Variants in WNT7B observed in about 807,000 individuals in gnomAD.
The protein encoded by WNT7B is protein Wnt-7b.
In WNT7B, 19 loss-of-function variants were observed where a neutral mutation model predicts 38.2. That is an observed-to-expected ratio of 0.50 (90% CI 0.35 to 0.73). The LOEUF (loss-of-function observed/expected upper bound fraction) is 0.73, where lower values mean the gene tolerates loss of function less well. WNT7B is among the 30% of genes least tolerant of loss of function. The pLI is 0.01. For missense variants in WNT7B, 423 were observed against 507.9 expected (o/e 0.83, Z 1.61); for synonymous variants, 243 against 209.3 (o/e 1.16, Z -1.39).
chr22:45,930,765 A>C lies in WNT7B; in HGVS notation c.570+333T>G, dbSNP rs1029527459. On this transcript the variant is annotated intron_variant, in intron 3 of 3. Coordinates refer to ENST00000339464, the MANE Select transcript of WNT7B (RefSeq NM_058238.3). The stretch of plus-strand genomic sequence containing the variant: ...GGGACCAGGAACGCCAAGGGCAGGG[A>C]CATGGGCTGTGGCCTGGGACCCTCC... Among the ~76,000 whole-genome samples, 57 of 152,318 alleles carry C rather than the reference A, an allele frequency of 3.7e-4. 1 individual carries two copies. Among genetic ancestry groups the C allele is most frequent in the African/African-American group, 1.4e-3 (57 of 41,558 alleles).
intron 1 of WNT7B, among the ~76,000 whole-genome samples, chr22:45,961,085 C>G (rs1932185674): frequency 6.6e-6 from 1 of 152,256 alleles, no homozygotes; most frequent in African/African-American, 2.4e-5. Context: ...GCCTGACCCC[C>G]ACAGCAGCTC....
chr22:45,942,434 T>C (rs1315269359), intron 2 of WNT7B, among the ~76,000 whole-genome samples: 1 of 152,160 alleles, frequency 6.6e-6, no homozygotes, highest in African/African-American at 2.4e-5. Flanking sequence ...CACACAGAGC[T>C]CAGGCTGGGG....
chr22:45,965,631 C>T lies in WNT7B; in HGVS notation c.71+11053G>A, dbSNP rs1214978120. ...GCATCCAGGACCACACACATGCTGA[C>T]CCAACAAAGCTGGCCAGGCTGGTCT... On this transcript the variant is annotated intron_variant, in intron 1 of 3. Transcript: ENST00000339464. This position sits in a 1 kb window ranked among gnomAD's most constrained non-coding sequence, Gnocchi z 6.5. Among the ~76,000 whole-genome samples the T allele has an allele frequency of 6.6e-6, 1 of 152,188 alleles. No homozygotes were observed. The highest frequency in any genetic ancestry group is 1.5e-5 in the Non-Finnish European group (1 of 68,032).
intron 2 of WNT7B, among the ~76,000 whole-genome samples, chr22:45,943,766 T>C (rs961296511): frequency 1.3e-5 from 2 of 152,174 alleles, no homozygotes; most frequent in Non-Finnish European, 2.9e-5. Context: ...GAGGCGGTCA[T>C]GTGACAGGGC....
At chr22:45,936,762 C>G (rs970255898) in intron 2 of WNT7B, among the ~76,000 whole-genome samples, 1 of 152,194 alleles carries the variant, frequency 6.6e-6, no homozygotes, top group African/African-American at 2.4e-5. Context: ...CTCACTCTGA[C>G]CATGAGGAGG....
intron 3 of WNT7B, chr22:45,925,520 GA>G: frequency 4.1e-6 from 4 of 985,246 alleles, no homozygotes; most frequent in Non-Finnish European, 4.8e-6. Flanking sequence ...CCAGAGCCTG[GA>G]CTGCGTGTCT....
intron 1 of WNT7B, among the ~76,000 whole-genome samples, chr22:45,952,968 C>T (rs1931969119): frequency 6.6e-6 from 1 of 152,238 alleles, no homozygotes; most frequent in African/African-American, 2.4e-5. Flanking sequence ...GCTGCTGCCC[C>T]TTCTCCGTTT....
In WNT7B at chr22:45,975,724, G is replaced by T; in HGVS notation, c.71+960C>A. On this transcript the variant is annotated intron_variant, in intron 1 of 3. Coordinates refer to ENST00000339464, the MANE Select transcript of WNT7B (RefSeq NM_058238.3). This position sits in a 1 kb window ranked among gnomAD's most constrained non-coding sequence, Gnocchi z 6.6. ...GGACGGGGCTCGCCTCGGGGCAGCC[G>T]GCGGCGCACAGTAGGCGCGCAGGGC... is the stretch of plus-strand genomic sequence containing the variant. 1 of 462,356 alleles carries T rather than the reference G, an allele frequency of 2.2e-6. No individual in the cohort carries two copies. 28.6% of individuals were successfully genotyped at this position (462,356 alleles called of 1,614,324 possible). A position where few individuals can be genotyped will look rare whatever the true frequency, so the allele number is the denominator to read the frequency against.
At chr22:45,928,634 T>TCTGC (rs1555907091) in intron 3 of WNT7B, among the ~76,000 whole-genome samples, 4 of 151,810 alleles carry the variant, frequency 2.6e-5, no homozygotes, top group African/African-American at 9.7e-5. Flanking sequence ...CCACCTCCTG[T>TCTGC]CTCCATTTCC....
At chr22:45,929,072 G>A (rs1000367451) in intron 3 of WNT7B, among the ~76,000 whole-genome samples, 8 of 152,120 alleles carry the variant, frequency 5.3e-5, no homozygotes, top group South Asian at 2.1e-4. Context: ...TTTCTTCCCC[G>A]GGGGTGTGGG....
chr22:45,944,242 G>A (rs1204753655), intron 2 of WNT7B, among the ~76,000 whole-genome samples: 1 of 152,230 alleles, frequency 6.6e-6, no homozygotes, highest in Non-Finnish European at 1.5e-5. Context: ...CAACTTGCAT[G>A]AGTTCCAGGT....
At chr22:45,964,498 C>T (rs1003367631) in intron 1 of WNT7B, among the ~76,000 whole-genome samples, 1 of 152,146 alleles carries the variant, frequency 6.6e-6, no homozygotes, top group African/African-American at 2.4e-5. Flanking sequence ...GATGAATCTG[C>T]CTTCCTAGTG....
intron 1 of WNT7B, among the ~76,000 whole-genome samples, chr22:45,950,855 C>T (rs1569119799): frequency 6.6e-6 from 1 of 152,198 alleles, no homozygotes; most frequent in Non-Finnish European, 1.5e-5. Flanking sequence ...ACTGGGTGCA[C>T]GCAGAGGAAG....
At chr22:45,943,416 G>C (rs1298877701) in intron 2 of WNT7B, among the ~76,000 whole-genome samples, 1 of 152,256 alleles carries the variant, frequency 6.6e-6, no homozygotes, top group Admixed American at 6.5e-5. Flanking sequence ...CCCCCAGGTG[G>C]GGACAGCAGG....
At position 45,975,009 on chromosome 22, in the gene WNT7B, T is replaced by C. The variant is rs1434540460; in HGVS notation, c.71+1675A>G. Among the ~76,000 whole-genome samples the C allele has an allele frequency of 6.6e-6, 1 of 152,146 alleles. No homozygotes were observed. Among genetic ancestry groups the C allele is most frequent in the African/African-American group, 2.4e-5 (1 of 41,436 alleles). Reference sequence around the variant, plus strand: ...ACTCACTCGTGGGAGGAAGGGCTGCTTTCCGATGACTGAGGCAGAAGAATG... The same window carrying C: ...ACTCACTCGTGGGAGGAAGGGCTGCCTTCCGATGACTGAGGCAGAAGAATG... On this transcript the variant is annotated intron_variant, in intron 1 of 3. Transcript: ENST00000339464. This position sits in a 1 kb window ranked among gnomAD's most constrained non-coding sequence, Gnocchi z 6.6.
chr22:45,935,888 G>A, intron 2 of WNT7B: 2 of 985,362 alleles, frequency 2.0e-6, no homozygotes, highest in Non-Finnish European at 2.4e-6. Context: ...AGCTGGATGA[G>A]GGCAGCACGG....
Position 45,976,979 on chromosome 22 carries a change from G to A in WNT7B, c.-225C>T, listed in dbSNP as rs1932566217. ...TGAGCCCGGGGAATTGACCCAGGCTGGGGGCCGCGACCTCGAAGCCCGGTT... is the reference window on the plus strand; with the variant it reads ...TGAGCCCGGGGAATTGACCCAGGCTAGGGGCCGCGACCTCGAAGCCCGGTT... On this transcript the variant is annotated 5_prime_UTR_variant, in exon 1 of 4. Transcript: ENST00000339464. This position sits in a 1 kb window ranked among gnomAD's most constrained non-coding sequence, Gnocchi z 8.5. 5 of 987,020 alleles carry A rather than the reference G, an allele frequency of 5.1e-6. No individual in the cohort carries two copies. The highest frequency in any genetic ancestry group is 3.5e-5 in the African/African-American group (2 of 57,186). The allele number at this position is 987,020 out of a possible 1,614,324, so 61.1% of individuals were successfully genotyped here.
Position 45,951,914 on chromosome 22 carries a change from T to C in WNT7B, c.72-1768A>G, listed in dbSNP as rs1188213211. On this transcript the variant is annotated intron_variant, in intron 1 of 3. Coordinates refer to ENST00000339464, the MANE Select transcript of WNT7B (RefSeq NM_058238.3). This position sits in a 1 kb window ranked among gnomAD's most constrained non-coding sequence, Gnocchi z 4.8. ...TGGACCTATGAGTTGCTGGGTCAGG[T>C]GGTCCCTTCGCTTTCTGAGGACTTG... 1.3e-5 allele frequency among the ~76,000 whole-genome samples: 2 copies of C among 152,212 alleles called. No individual in the cohort carries two copies. The highest frequency in any genetic ancestry group is 1.3e-4 in the Admixed American group (2 of 15,286).
chr22:45,928,844 G>A (rs188140403), intron 3 of WNT7B, among the ~76,000 whole-genome samples: 2,041 of 148,060 alleles, frequency 0.014, 16 homozygotes, highest in Middle Eastern at 0.031. Context: ...TCCTGGCCCT[G>A]GTTTCCCCAT....
Sources: allele counts gnomAD v4.1 joint callset (sites outside exome capture counted in the v4.1 genomes callset), GRCh38; gene constraint gnomAD v4.1.1; non-coding constraint Gnocchi (gnomAD v3.1); transcripts MANE v1.5; gene names NCBI Gene and HGNC (gene_info 2026-07-23, HGNC 2026-07-21).